The following CLSPN variants were observed in gnomAD, a reference collection of about 807,000 sequenced individuals.
CLSPN encodes claspin homolog.
A neutral mutation model predicts 156.3 loss-of-function variants in CLSPN; 85 were observed. That is an observed-to-expected ratio of 0.54 (90% CI 0.46 to 0.65). CLSPN has a LOEUF of 0.65. CLSPN is among the 30% of genes least tolerant of loss of function. The pLI is 0.00. For synonymous variants in CLSPN, 534 were observed against 542.4 expected, an observed-to-expected ratio of 0.98 and a Z score of 0.22; for missense variants, 1,407 against 1,554.9, an observed-to-expected ratio of 0.90 and a Z score of 1.60.
chr1:35,763,701 G>A (rs899952673), intron 3 of CLSPN, among the ~76,000 whole-genome samples: 1 of 151,940 alleles, frequency 6.6e-6, no homozygotes, highest in Admixed American at 6.6e-5. Flanking sequence ...ATTACTCCAT[G>A]TGCTCATAAA....
chr1:35,745,437 A>C lies in CLSPN; in HGVS notation c.2966+14T>G, dbSNP rs541294556. On this transcript the variant is annotated intron_variant, in intron 16 of 24. Coordinates refer to ENST00000318121, the MANE Select transcript of CLSPN (RefSeq NM_022111.4). ...GGCCAGGCCTTCCCAAATTCCCAGC[A>C]ATCTGAGACTTACTTGTCTGTGGGA... is the stretch of plus-strand genomic sequence containing the variant. The C allele has an allele frequency of 1.3e-6, 2 of 1,575,668 alleles. No homozygotes were observed. Among genetic ancestry groups the C allele is most frequent in the South Asian group, 2.2e-5 (2 of 90,310 alleles).
intron 1 of CLSPN, among the ~76,000 whole-genome samples, chr1:35,765,575 G>A (rs551069337): frequency 6.6e-6 from 1 of 152,122 alleles, no homozygotes; most frequent in African/African-American, 2.4e-5. Context: ...AAAGAATCAA[G>A]CATTTATTAT....
chr1:35,726,810 CTGAT>C (rs753685988), intron 24 of CLSPN, among the ~76,000 whole-genome samples: 4 of 152,206 alleles, frequency 2.6e-5, no homozygotes, highest in East Asian at 1.9e-4. Context: ...AGTAGGAAGA[CTGAT>C]TGGCCTTCAG....
Position 35,764,523 on chromosome 1 carries a change from C to T in CLSPN, c.325G>A (p.Asp109Asn). ...KIKRIYKTVA[D>N]SDESYMEKSL... is the part of the protein sequence containing the mutation. ...TTTTCCATGTAACTTTCATCACTGT[C>T]TGCCACAGTTTTGTAAATCCTTTTG... is the stretch of plus-strand genomic sequence containing the variant. Residue 109 changes from aspartate to asparagine, a missense_variant, in exon 3 of 25, where the codon GAC (aspartate) becomes AAC (asparagine). Asp to Asn is a conservative substitution (Grantham distance 23, BLOSUM62 1). This residue lies in a region of CLSPN where 1,096 missense variants were observed against 1,193.0 expected (regional missense o/e 0.92). Coordinates refer to ENST00000318121, the MANE Select transcript of CLSPN (RefSeq NM_022111.4). 1 of 1,613,870 alleles carries T rather than the reference C, an allele frequency of 6.2e-7. No homozygotes were observed.
intron 24 of CLSPN, among the ~76,000 whole-genome samples, chr1:35,725,247 C>T (rs996425815): frequency 6.6e-6 from 1 of 152,208 alleles, no homozygotes; most frequent in Non-Finnish European, 1.5e-5. Flanking sequence ...TCACCCACCC[C>T]TTCCAAGGGA....
At chr1:35,722,621 T>C (rs1346712793) in intron 24 of CLSPN, among the ~76,000 whole-genome samples, 1 of 151,918 alleles carries the variant, frequency 6.6e-6, no homozygotes, top group Non-Finnish European at 1.5e-5. Flanking sequence ...AATCAGATTG[T>C]AGTCTCTCTC....
chr1:35,766,804 G>T (rs988308519), intron 1 of CLSPN, among the ~76,000 whole-genome samples: 1 of 150,426 alleles, frequency 6.6e-6, no homozygotes. Flanking sequence ...GCCCAAGCTG[G>T]AGTGCAATGG....
intron 24 of CLSPN, among the ~76,000 whole-genome samples, chr1:35,724,549 T>C (rs550416456): frequency 6.6e-6 from 1 of 152,358 alleles, no homozygotes; most frequent in Non-Finnish European, 1.5e-5. Context: ...CAAACTACGT[T>C]GCTAACCTGC....
chr1:35,737,515 A>G (rs1443482045), intron 22 of CLSPN, 94 bp from the exon 23 acceptor site: 1 of 955,386 alleles, frequency 1.0e-6, no homozygotes, highest in Non-Finnish European at 1.6e-6. Context: ...AACTAAATCA[A>G]TATGCTAAAG....
At chr1:35,749,591 A>C in intron 11 of CLSPN, 42 bp downstream of exon 11, 6 of 1,613,598 alleles carry the variant, frequency 3.7e-6, no homozygotes, top group Non-Finnish European at 5.1e-6. Context: ...AGGAGGGGCA[A>C]ATCCAAGGCA....
At chr1:35,749,947 C>G in intron 10 of CLSPN, 136 bp from the exon 11 acceptor site, 1 of 974,850 alleles carries the variant, frequency 1.0e-6, no homozygotes, top group Non-Finnish European at 1.5e-6. Context: ...GAAGGAAGTT[C>G]CATATGACCA....
intron 8 of CLSPN, among the ~76,000 whole-genome samples, chr1:35,754,503 C>A (rs891081355): frequency 6.6e-6 from 1 of 152,132 alleles, no homozygotes; most frequent in Admixed American, 6.6e-5. Context: ...CACCACCATG[C>A]CCAGCTAATT....
chr1:35,757,776 G>C (rs1473778329), intron 8 of CLSPN, among the ~76,000 whole-genome samples: 1 of 152,154 alleles, frequency 6.6e-6, no homozygotes, highest in African/African-American at 2.4e-5. Context: ...TGCTAGTTCT[G>C]TTATACAACT....
rs928620891 is a variant in CLSPN, at chr1:35,732,374, A to G, written c.*4122T>C. ...AAAAACACCCCCTAAAAAGTCTCCC[A>G]GCCTGAGCATTAGAAACTCTCAAAG... On this transcript the variant is annotated 3_prime_UTR_variant, in exon 25 of 25. Transcript: ENST00000318121. 1.0e-6 allele frequency: 1 copy of G among 985,414 alleles called. No homozygotes were observed. Among genetic ancestry groups the G allele is most frequent in the Non-Finnish European group, 1.2e-6 (1 of 829,916 alleles). 61.0% of individuals were successfully genotyped at this position (985,414 alleles called of 1,614,324 possible).
At chr1:35,728,916 CCTCAAACACACACACA>C (rs1323254007), downstream of CLSPN, among the ~76,000 whole-genome samples, 4 of 134,728 alleles carry the variant, frequency 3.0e-5, no homozygotes, top group African/African-American at 1.1e-4. Flanking sequence ...CTCACCCTCC[CCTCAAACACACACACA>C]CACACACACA....
At chr1:35,720,924 T>C in exon 25 of CLSPN, 1 of 1,612,374 alleles carries the variant, frequency 6.2e-7, no homozygotes. Flanking sequence ...GCCTGAAGAA[T>C]CCAGGGATAG....
chr1:35,730,872 AG>A (rs1641301581), downstream of CLSPN, among the ~76,000 whole-genome samples: 1 of 152,048 alleles, frequency 6.6e-6, no homozygotes, highest in Admixed American at 6.5e-5. Flanking sequence ...TCAAAAAAAA[AG>A]AATAGGAAAC....
chr1:35,742,048 G>A (rs1165531134), intron 18 of CLSPN, among the ~76,000 whole-genome samples: 1 of 147,070 alleles, frequency 6.8e-6, no homozygotes, highest in Non-Finnish European at 1.5e-5. Context: ...TTGGGAAGCA[G>A]AGGCAGGAGG....
In CLSPN at chr1:35,760,779, G is replaced by C; in HGVS notation, c.1142C>G (p.Pro381Arg). Reference protein sequence around the residue: ...AENEVETNALPVVSKETQIIT... With the variant: ...AENEVETNALRVVSKETQIIT... ...GATCTGGGTTTCCTTTGAAACTACA[G>C]GGAGTGCATTAGTTTCCACTTCATT... is the stretch of plus-strand genomic sequence containing the variant. The change falls in exon 8 of 25, where the codon CCT becomes CGT. Residue 381 changes from proline (P) to arginine (R), a missense_variant. Coordinates refer to ENST00000318121, the MANE Select transcript of CLSPN (RefSeq NM_022111.4). 3 of 1,613,660 alleles carry C rather than the reference G, an allele frequency of 1.9e-6. No individual in the cohort carries two copies. In the South Asian group the frequency reaches 3.3e-5, roughly 18 times the overall value.
Sources: gnomAD v4.1 joint callset for allele counts (sites outside exome capture counted in the v4.1 genomes callset) on GRCh38, gnomAD v4.1.1 for gene constraint, gnomAD v4.1.1 regional missense constraint, MANE v1.5 for transcripts, NCBI Gene and HGNC (gene_info 2026-07-23, HGNC 2026-07-21) for gene names.